The following WDR1 variants were observed in gnomAD, a reference collection of about 807,000 sequenced individuals.
The protein encoded by WDR1 is WD repeat-containing protein 1.
WDR1 carries 21 observed loss-of-function variants against 71.9 expected under a neutral mutation model. The ratio of observed to expected loss-of-function variants is 0.29; its 90% CI spans 0.21 to 0.42. The LOEUF (loss-of-function observed/expected upper bound fraction) is 0.42, where lower values mean the gene tolerates loss of function less well. Ranked by LOEUF, WDR1 falls within the 10% of genes least tolerant of loss-of-function variation. The pLI is 1.00. For synonymous variants in WDR1, 424 were observed against 347.4 expected, an observed-to-expected ratio of 1.22 and a Z score of -2.45; for missense variants, 696 against 824.5, an observed-to-expected ratio of 0.84 and a Z score of 1.91.
chr4:10,088,010 T>G, intron 7 of WDR1, 70 bp from the exon 8 acceptor site: 1 of 1,407,498 alleles, frequency 7.1e-7, no homozygotes, highest in East Asian at 2.5e-5. Flanking sequence ...AAAAAGCAGC[T>G]TGTCCACTGC....
At chr4:10,107,223 T>C (rs1488941650) in intron 2 of WDR1, among the ~76,000 whole-genome samples, 3 of 152,188 alleles carry the variant, frequency 2.0e-5, no homozygotes, top group African/African-American at 7.2e-5. Context: ...CTTCTCATGC[T>C]GCTGCAGGCT....
intron 5 of WDR1, chr4:10,091,959 T>C (rs999836101): frequency 8.5e-5 from 13 of 152,478 alleles, no homozygotes; most frequent in African/African-American, 2.9e-4. Flanking sequence ...CAGGGGTGTA[T>C]GCACCACTAC....
At position 10,083,018 on chromosome 4, in the gene WDR1, T is replaced by A. The variant is rs1233360477; in HGVS notation, c.1196+4A>T. The A allele has an allele frequency of 3.1e-6, 5 of 1,608,058 alleles. No individual in the cohort carries two copies. In the Admixed American group the frequency reaches 8.4e-5, roughly 27 times the overall value. Reference sequence around the variant, plus strand: ...GGAACCCCCGCAGACCCGAGTGCTCTCACCTGTAGTCCCGCAGCATGAGGC... The same window carrying A: ...GGAACCCCCGCAGACCCGAGTGCTCACACCTGTAGTCCCGCAGCATGAGGC... On this transcript the variant is annotated splice_donor_region_variant and intron_variant, in intron 10 of 14. Transcript: ENST00000499869.
rs547526191 is a variant in WDR1 at position 10,077,801 on chromosome 4, G to A, written c.1521C>T (p.Cys507=). 2.1e-5 allele frequency: 34 copies of A among 1,603,282 alleles called. No individual in the cohort carries two copies. The highest frequency in any genetic ancestry group is 5.3e-5 in the African/African-American group (4 of 74,848). ...ACACTGTGACCACCTTGCTGGCGTC[G>A]CACACCGCGAGGAAGGCGCCGTCGT... is the stretch of plus-strand genomic sequence containing the variant. The part of the protein sequence containing the change: ...YSHDGAFLAV[C]DASKVVTVFS... Residue 507 remains cysteine, a synonymous_variant, in exon 13 of 15, where the codon TGC becomes TGT. Coordinates refer to ENST00000499869, the MANE Select transcript of WDR1 (RefSeq NM_017491.5).
intron 4 of WDR1, among the ~76,000 whole-genome samples, chr4:10,098,384 C>A (rs1486907465): frequency 6.6e-6 from 1 of 152,224 alleles, no homozygotes; most frequent in Non-Finnish European, 1.5e-5. Context: ...CGAGAAAGTG[C>A]CATTCAGTGA....
intron 8 of WDR1, 79 bp from the exon 9 acceptor site, chr4:10,084,609 C>T (rs984409235): frequency 1.3e-5 from 19 of 1,415,736 alleles, no homozygotes; most frequent in East Asian, 7.1e-5. Flanking sequence ...ACCAACGAAG[C>T]TTCTGGGTAA....
chr4:10,095,181 G>A (rs1712254950), intron 5 of WDR1, among the ~76,000 whole-genome samples: 1 of 152,256 alleles, frequency 6.6e-6, no homozygotes, highest in Non-Finnish European at 1.5e-5. Context: ...CAAGGCCTGA[G>A]CGCTGGTGCG....
intron 5 of WDR1, chr4:10,096,105 A>C (rs1474178128): frequency 3.9e-5 from 6 of 152,300 alleles, no homozygotes; most frequent in African/African-American, 2.4e-5. Flanking sequence ...CTGGTGAAGA[A>C]GACAGGCTCC....
rs144081055 is a variant in WDR1, at chr4:10,078,358, G to C, written c.1396-432C>G. ...CTACAGAGCACTCAGGACTTGGCCA[G>C]GCACACTGTGACCAGACCACACACA... On this transcript the variant is annotated intron_variant, in intron 12 of 14. Transcript: ENST00000499869. Among the ~76,000 whole-genome samples the C allele has an allele frequency of 5.9e-3, 891 of 152,306 alleles. 6 individuals are homozygous for C. Among genetic ancestry groups the C allele is most frequent in the South Asian group, 0.012 (56 of 4,830 alleles).
In WDR1 at chr4:10,107,129, C is replaced by T. The variant is rs1201158496; in HGVS notation, c.139-3143G>A. Among the ~76,000 whole-genome samples the T allele has an allele frequency of 2.0e-5, 3 of 152,178 alleles. No individual in the cohort carries two copies. The East Asian group carries it at 5.8e-4, about 29-fold the overall frequency. On this transcript the variant is annotated intron_variant, in intron 2 of 14. Coordinates refer to ENST00000499869, the MANE Select transcript of WDR1 (RefSeq NM_017491.5). ...GCTACTGTAGGCAAAAGTTCTGTCTCCCCATCTCCCTGGGGGCCTGGGGGA... is the reference window on the plus strand; with the variant it reads ...GCTACTGTAGGCAAAAGTTCTGTCTTCCCATCTCCCTGGGGGCCTGGGGGA...
intron 2 of WDR1, among the ~76,000 whole-genome samples, chr4:10,104,603 A>G (rs1712908505): frequency 1.3e-5 from 2 of 152,152 alleles, no homozygotes; most frequent in Non-Finnish European, 2.9e-5. Context: ...TTGAGACTAG[A>G]AGCATCTTCA....
intron 5 of WDR1, among the ~76,000 whole-genome samples, chr4:10,088,961 C>A (rs1711784831): frequency 6.6e-6 from 1 of 152,220 alleles, no homozygotes. Flanking sequence ...GCTCTACCTG[C>A]TGGGAAAGCT....
intron 2 of WDR1, among the ~76,000 whole-genome samples, chr4:10,106,889 C>T (rs970153855): frequency 6.6e-6 from 1 of 152,150 alleles, no homozygotes; most frequent in Non-Finnish European, 1.5e-5. Context: ...CACACCCCCA[C>T]GTGTCACTCG....
chr4:10,116,394 T>C lies in WDR1; in HGVS notation c.17-160A>G, dbSNP rs1157764421. 9 of 1,112,420 alleles carry C rather than the reference T, an allele frequency of 8.1e-6. No homozygotes were observed. The East Asian group carries it at 2.5e-4, about 31-fold the overall frequency. The allele number at this position is 1,112,420 out of a possible 1,614,324, so 68.9% of individuals were successfully genotyped here. A position where few individuals can be genotyped will look rare whatever the true frequency, so the allele number is the denominator to read the frequency against. On this transcript the variant is annotated intron_variant, in intron 1 of 14. Transcript: ENST00000499869. ...GAGCGCCAGGAACCGCGCGACTTCC[T>C]GGTCCGCGCCCCGGGCCAGGCCCTT... is the stretch of plus-strand genomic sequence containing the variant.
chr4:10,078,848 G>A, intron 12 of WDR1, 43 bp downstream of exon 12: 1 of 1,545,374 alleles, frequency 6.5e-7, no homozygotes, highest in South Asian at 1.1e-5. Flanking sequence ...AAATCACCCA[G>A]ATACCAAGGA....
At chr4:10,078,527 C>T in intron 12 of WDR1, 2 of 207,350 alleles carry the variant, frequency 9.6e-6, no homozygotes, top group East Asian at 1.2e-4. Flanking sequence ...CCAGGGGATG[C>T]CATTCCTTGA....
Position 10,116,215 on chromosome 4 carries a change from G to A in WDR1, c.36C>T (p.Leu12=), listed in dbSNP as rs934058323. The A allele has an allele frequency of 1.2e-6, 2 of 1,613,514 alleles. No homozygotes were observed. The highest frequency in any genetic ancestry group is 1.7e-5 in the Admixed American group (1 of 59,988). The change falls in exon 2 of 15, where the codon CTC becomes CTT. Residue 12 remains leucine, a synonymous_variant. Transcript: ENST00000499869. ...TGGAGACGCCCCTCTCCACCTGCGG[G>A]AGGCTGGCGAACACCTTCTCTGCGG... ...PYEIKKVFAS[L]PQVERGVSKI... is the part of the protein sequence containing the mutation.
intron 2 of WDR1, among the ~76,000 whole-genome samples, chr4:10,110,749 G>T (rs1713299339): frequency 6.6e-6 from 1 of 152,142 alleles, no homozygotes; most frequent in African/African-American, 2.4e-5. Context: ...TTTCAACCTT[G>T]GTACCCCTGG....
chr4:10,080,660 C>T (rs1001928505), intron 11 of WDR1, among the ~76,000 whole-genome samples: 5 of 152,200 alleles, frequency 3.3e-5, no homozygotes, highest in African/African-American at 7.2e-5. Context: ...AGCCTAGGCC[C>T]GCCAACAGAT....
Sources: gnomAD v4.1 joint callset for allele counts (sites outside exome capture counted in the v4.1 genomes callset) on GRCh38, gnomAD v4.1.1 for gene constraint, MANE v1.5 for transcripts, NCBI Gene and HGNC (gene_info 2026-07-23, HGNC 2026-07-21) for gene names.